Variants in MAP7 observed in about 807,000 individuals in gnomAD.
MAP7 encodes ensconsin.
In MAP7, 52 loss-of-function variants were observed where a neutral mutation model predicts 94.8. The observed-to-expected ratio is 0.55, with a 90% confidence interval of 0.44 to 0.69. MAP7 has a LOEUF of 0.69. Among genes scored for constraint, MAP7 ranks in the 30% least tolerant of loss-of-function variants. The pLI is 0.00. For synonymous variants in MAP7, 350 were observed against 357.0 expected (o/e 0.98, Z 0.22); for missense variants, 940 against 964.6 (o/e 0.97, Z 0.34).
At chr6:136,442,583 G>A (rs765614415) in intron 1 of MAP7, among the ~76,000 whole-genome samples, 12 of 152,124 alleles carry the variant, frequency 7.9e-5, no homozygotes, top group Non-Finnish European at 1.3e-4. Context: ...TGAGGCATTA[G>A]GCTCAGCTGT....
At position 136,541,235 on chromosome 6, in the gene MAP7, T is replaced by A. The variant is rs577075233; in HGVS notation, c.67+9107A>T. Among the ~76,000 whole-genome samples, 6 of 152,276 alleles carry A rather than the reference T, an allele frequency of 3.9e-5. No individual in the cohort carries two copies. In the South Asian group the frequency reaches 1.2e-3, roughly 32 times the overall value. On this transcript the variant is annotated intron_variant, in intron 1 of 17. Coordinates refer to ENST00000354570, the MANE Select transcript of MAP7 (RefSeq NM_003980.6). ...ATCTTACAGCCAATTATTATGCATG[T>A]TATTGCCACCAAGTAGGCTTCATGA... is the stretch of plus-strand genomic sequence containing the variant.
At chr6:136,534,989 T>C (rs1348023114) in intron 1 of MAP7, among the ~76,000 whole-genome samples, 2 of 150,626 alleles carry the variant, frequency 1.3e-5, no homozygotes, top group African/African-American at 5.0e-5. Context: ...GAAAAGCGTA[T>C]GAAGGTTTGA....
intron 5 of MAP7, among the ~76,000 whole-genome samples, chr6:136,385,292 C>T (rs575774979): frequency 5.3e-4 from 81 of 152,016 alleles, no homozygotes; most frequent in Non-Finnish European, 1.0e-3. Flanking sequence ...CACTTCTGTG[C>T]CTCAAATTTA....
chr6:136,510,883 C>T (rs768290691), intron 1 of MAP7, among the ~76,000 whole-genome samples: 1 of 152,100 alleles, frequency 6.6e-6, no homozygotes, highest in South Asian at 2.1e-4. Flanking sequence ...CGGAAGACTA[C>T]TGCGTATGGA....
intron 7 of MAP7, among the ~76,000 whole-genome samples, chr6:136,376,362 G>A (rs913114814): frequency 6.6e-6 from 1 of 151,944 alleles, no homozygotes; most frequent in Non-Finnish European, 1.5e-5. Flanking sequence ...GCCTCCCAAA[G>A]TGCTGGGATT....
At chr6:136,483,655 T>C (rs1813658683) in intron 1 of MAP7, among the ~76,000 whole-genome samples, 1 of 152,146 alleles carries the variant, frequency 6.6e-6, no homozygotes, top group Admixed American at 6.5e-5. Context: ...AAAAATTGAA[T>C]GTAAAACATA....
At chr6:136,451,016 C>G (rs1800950220) in intron 1 of MAP7, among the ~76,000 whole-genome samples, 1 of 152,066 alleles carries the variant, frequency 6.6e-6, no homozygotes, top group Non-Finnish European at 1.5e-5. Context: ...AAGCAAGTTA[C>G]CCTTTTGTAA....
intron 1 of MAP7, among the ~76,000 whole-genome samples, chr6:136,435,005 G>C (rs1795996478): frequency 6.6e-6 from 1 of 152,198 alleles, no homozygotes; most frequent in Non-Finnish European, 1.5e-5. Flanking sequence ...TTCTAAATCT[G>C]CCTAAGCTAT....
intron 1 of MAP7, among the ~76,000 whole-genome samples, chr6:136,482,085 C>T (rs958408742): frequency 1.3e-5 from 2 of 152,288 alleles, no homozygotes; most frequent in South Asian, 2.1e-4. Context: ...TACTATCTCA[C>T]ACCAGTCAGA....
intron 9 of MAP7, 142 bp downstream of exon 9, chr6:136,366,185 C>T: frequency 9.8e-7 from 1 of 1,024,670 alleles, no homozygotes; most frequent in Non-Finnish European, 1.4e-6. Context: ...ATTCCAATTT[C>T]TCTTTTTTCT....
rs184131511 is a variant in MAP7, at chr6:136,505,757, T to A, written c.67+44585A>T. ...TACCTCTATAGCAAATCTGCACATG[T>A]ACCCCTGAACTTAAAAGTTTGAAAA... On this transcript the variant is annotated intron_variant, in intron 1 of 17. Transcript: ENST00000354570. Among the ~76,000 whole-genome samples the A allele has an allele frequency of 1.2e-3, 184 of 152,170 alleles. 4 individuals carry two copies. In the Middle Eastern group the frequency reaches 0.024, roughly 20 times the overall value.
intron 1 of MAP7, among the ~76,000 whole-genome samples, chr6:136,448,474 G>T (rs991860522): frequency 4.6e-5 from 7 of 151,354 alleles, no homozygotes; most frequent in African/African-American, 1.7e-4. Context: ...GAGTGCAGTG[G>T]CGCAATCTCA....
intron 1 of MAP7, among the ~76,000 whole-genome samples, chr6:136,506,379 C>T (rs555690235): frequency 6.6e-6 from 1 of 152,154 alleles, no homozygotes; most frequent in South Asian, 2.1e-4. Context: ...ACAAACCACA[C>T]TTGAAAGTCA....
rs76683687 is a variant in MAP7 at position 136,459,115 on chromosome 6, C to A, written c.68-37316G>T. Among the ~76,000 whole-genome samples, 1,412 of 152,166 alleles carry A rather than the reference C, an allele frequency of 9.3e-3. 52 individuals are homozygous for A. The highest frequency in any genetic ancestry group is 0.085 in the East Asian group (439 of 5,188). The stretch of plus-strand genomic sequence containing the variant: ...AACTGAATAGACATTTCTCCAACGA[C>A]AACATACAAATGGCCAACAGGTATG... On this transcript the variant is annotated intron_variant, in intron 1 of 17. Coordinates refer to ENST00000354570, the MANE Select transcript of MAP7 (RefSeq NM_003980.6).
intron 5 of MAP7, among the ~76,000 whole-genome samples, chr6:136,386,602 GC>G (rs1452674860): frequency 6.6e-6 from 1 of 152,060 alleles, no homozygotes; most frequent in Non-Finnish European, 1.5e-5. Flanking sequence ...TATATACCCT[GC>G]CAGGTTTACT....
intron 2 of MAP7, 113 bp downstream of exon 2, chr6:136,421,588 C>T (rs1014236693): frequency 2.6e-5 from 25 of 954,590 alleles, no homozygotes; most frequent in East Asian, 7.8e-5. Flanking sequence ...CTCCTAAATT[C>T]GAGTTTTCTG....
At chr6:136,444,196 T>TG (rs1274301958) in intron 1 of MAP7, among the ~76,000 whole-genome samples, 1 of 152,246 alleles carries the variant, frequency 6.6e-6, no homozygotes, top group African/African-American at 2.4e-5. Flanking sequence ...TGGAGGTCTA[T>TG]GAGCCTCCTT....
chr6:136,539,470 A>T (rs1038539156), intron 1 of MAP7, among the ~76,000 whole-genome samples: 1 of 152,234 alleles, frequency 6.6e-6, no homozygotes, highest in Non-Finnish European at 1.5e-5. Context: ...CTTAAAGAGA[A>T]ATCAAAGATA....
intron 1 of MAP7, among the ~76,000 whole-genome samples, chr6:136,454,544 C>T (rs192581739): frequency 7.2e-5 from 11 of 151,924 alleles, no homozygotes; most frequent in Non-Finnish European, 1.0e-4. Context: ...GCGACCCTCA[C>T]GCCTTAGCCT....
Sources: gnomAD v4.1 joint callset for allele counts (sites outside exome capture counted in the v4.1 genomes callset) on GRCh38, gnomAD v4.1.1 for gene constraint, MANE v1.5 for transcripts, NCBI Gene and HGNC (gene_info 2026-07-23, HGNC 2026-07-21) for gene names.